The following CCDC3 variants were observed in gnomAD, a reference collection of about 807,000 sequenced individuals.
The protein encoded by CCDC3 is coiled-coil domain-containing protein 3.
Under a neutral mutation model 21.4 loss-of-function variants are expected in CCDC3, and 24 were observed. That is an observed-to-expected ratio of 1.12 (90% CI 0.81 to 1.58). The LOEUF (loss-of-function observed/expected upper bound fraction) is 1.58, where lower values mean the gene tolerates loss of function less well. Ranked by LOEUF, CCDC3 falls within the 40% of genes most tolerant of loss-of-function variation. The pLI, the probability that CCDC3 is intolerant of heterozygous loss-of-function variation, is 0.00. For missense variants in CCDC3, 425 were observed against 360.9 expected, an observed-to-expected ratio of 1.18 and a Z score of -1.44; for synonymous variants, 186 against 166.0, an observed-to-expected ratio of 1.12 and a Z score of -0.93.
In CCDC3 at chr10:12,915,170, CTGAAA is replaced by C. The variant is rs1834331936; in HGVS notation, c.550-16496_550-16492del. ...AATCCTTATAACAGGAAGAATTTTTCTGAAACCAGAATTGATTTCTGGTTTCAAAC... is the reference window on the plus strand; with the variant it reads ...AATCCTTATAACAGGAAGAATTTTTCCCAGAATTGATTTCTGGTTTCAAAC... On this transcript the variant is annotated intron_variant, in intron 2 of 2. Transcript: ENST00000378825. 3.3e-5 allele frequency among the ~76,000 whole-genome samples: 5 copies of C among 152,220 alleles called. No homozygotes were observed. The South Asian group carries it at 1.0e-3, about 32-fold the overall frequency.
upstream of CCDC3, among the ~76,000 whole-genome samples, chr10:13,004,350 C>A (rs373505052): frequency 2.2e-4 from 33 of 152,242 alleles, no homozygotes; most frequent in South Asian, 1.2e-3. Context: ...CCAGTTAATT[C>A]TATGGCCTTG....
chr10:12,965,387 C>T (rs1160985739), intron 2 of CCDC3, among the ~76,000 whole-genome samples: 1 of 152,196 alleles, frequency 6.6e-6, no homozygotes, highest in African/African-American at 2.4e-5. Context: ...CCTCCTCCCT[C>T]CCAAAGGACT....
intron 2 of CCDC3, among the ~76,000 whole-genome samples, chr10:12,969,273 T>C (rs1835305597): frequency 6.6e-6 from 1 of 152,164 alleles, no homozygotes; most frequent in South Asian, 2.1e-4. Context: ...TCACACCTGT[T>C]AGAATGACTA....
At chr10:13,006,425 A>C (rs1835925208), upstream of CCDC3, among the ~76,000 whole-genome samples, 1 of 152,212 alleles carries the variant, frequency 6.6e-6, no homozygotes, top group South Asian at 2.1e-4. Context: ...GTCATTCTTC[A>C]AGACCCATGC....
intron 5 of CCDC3, among the ~76,000 whole-genome samples, chr10:13,038,660 C>T (rs1836410667): frequency 6.6e-6 from 1 of 152,192 alleles, no homozygotes. Flanking sequence ...CTACCCAGCC[C>T]CACTGCTGTC....
intron 3 of CCDC3, among the ~76,000 whole-genome samples, chr10:13,078,967 A>C (rs1836999712): frequency 6.6e-6 from 1 of 152,164 alleles, no homozygotes; most frequent in South Asian, 2.1e-4. Context: ...ATATATAACT[A>C]ATCTGCACAT....
chr10:13,019,051 G>A (rs1178337156), intron 5 of CCDC3, among the ~76,000 whole-genome samples: 1 of 150,224 alleles, frequency 6.7e-6, no homozygotes, highest in Non-Finnish European at 1.5e-5. Context: ...GGCTAACACG[G>A]TGAAACCCCG....
chr10:13,025,511 A>G (rs1321596941), intron 5 of CCDC3, among the ~76,000 whole-genome samples: 2 of 152,342 alleles, frequency 1.3e-5, no homozygotes, highest in South Asian at 2.1e-4. Flanking sequence ...TGAACAAATG[A>G]CTTAGGGCGC....
In CCDC3 at chr10:12,984,744, C is replaced by T. The variant is rs1047760736; in HGVS notation, c.549+13594G>A. Among the ~76,000 whole-genome samples, 8 of 152,124 alleles carry T rather than the reference C, an allele frequency of 5.3e-5. No individual in the cohort carries two copies. In the East Asian group the frequency reaches 1.5e-3, roughly 29 times the overall value. On this transcript the variant is annotated intron_variant, in intron 2 of 2. Coordinates refer to ENST00000378825, the MANE Select transcript of CCDC3 (RefSeq NM_031455.4). ...AAGAACAAAGTACTGATTCATACTA[C>T]AATATGAACGAAGCTTGAAAACATT...
chr10:13,052,938 T>TCACACACACACA (rs56261341), intron 4 of CCDC3, among the ~76,000 whole-genome samples: 4 of 134,334 alleles, frequency 3.0e-5, no homozygotes, highest in Non-Finnish European at 4.7e-5. Flanking sequence ...TGAGACTCTG[T>TCACACACACACA]CACACACACA....
chr10:13,030,426 G>A (rs1464371261), intron 5 of CCDC3, among the ~76,000 whole-genome samples: 1 of 152,156 alleles, frequency 6.6e-6, no homozygotes, highest in East Asian at 1.9e-4. Context: ...GGAAGAAACT[G>A]CATCAACTAA....
intron 2 of CCDC3, among the ~76,000 whole-genome samples, chr10:12,963,364 T>C (rs1159729140): frequency 6.6e-6 from 1 of 152,162 alleles, no homozygotes; most frequent in African/African-American, 2.4e-5. Context: ...TGGTATGGCA[T>C]TGAGACTTAC....
intron 2 of CCDC3, among the ~76,000 whole-genome samples, chr10:12,948,275 G>T (rs1834951014): frequency 6.6e-6 from 1 of 152,154 alleles, no homozygotes; most frequent in South Asian, 2.1e-4. Context: ...ACATGGAACT[G>T]TGAGTCCATT....
intron 4 of CCDC3, among the ~76,000 whole-genome samples, chr10:13,065,108 A>G (rs574317856): frequency 3.3e-5 from 5 of 152,338 alleles, no homozygotes; most frequent in African/African-American, 1.2e-4. Flanking sequence ...GGCAAAATAT[A>G]GCTAAAAATA....
At chr10:13,075,062 T>C (rs1388860368) in intron 3 of CCDC3, among the ~76,000 whole-genome samples, 1 of 152,174 alleles carries the variant, frequency 6.6e-6, no homozygotes, top group Non-Finnish European at 1.5e-5. Context: ...AACTGACGCA[T>C]AGGTGCCCAC....
chr10:12,974,040 G>T (rs925038557), intron 2 of CCDC3, among the ~76,000 whole-genome samples: 1 of 152,200 alleles, frequency 6.6e-6, no homozygotes, highest in Non-Finnish European at 1.5e-5. Context: ...CCAAGAACCA[G>T]GCAGCATTCC....
At chr10:12,983,457 G>A (rs1468897775) in intron 2 of CCDC3, among the ~76,000 whole-genome samples, 1 of 151,456 alleles carries the variant, frequency 6.6e-6, no homozygotes, top group Non-Finnish European at 1.5e-5. Flanking sequence ...TGCAGTCCTA[G>A]TTACTCAGGA....
intron 2 of CCDC3, among the ~76,000 whole-genome samples, chr10:12,934,850 A>G (rs1488656264): frequency 6.6e-6 from 1 of 151,790 alleles, no homozygotes; most frequent in African/African-American, 2.4e-5. Flanking sequence ...CCAGGCTGGT[A>G]TCAAACTCCT....
rs764372915 is a variant in CCDC3, at chr10:12,898,585, C to T, written c.644G>A (p.Arg215Gln). Residue 215 changes from arginine to glutamine, a missense_variant, in exon 3 of 3, where the codon CGG (arginine) becomes CAG (glutamine). By Grantham distance (43) the Arg-to-Gln change is conservative. Coordinates refer to ENST00000378825, the MANE Select transcript of CCDC3 (RefSeq NM_031455.4). ...CTTCTTCACTCGCTCCCGGAGCTGC[C>T]GGTTGCGCTTCTCCAGGGTGGCCAC... ...QKVATLEKRN[R>Q]QLRERVKKVK... 7.4e-6 allele frequency: 12 copies of T among 1,614,120 alleles called. No individual in the cohort carries two copies. The East Asian group carries it at 8.9e-5, about 12-fold the overall frequency.
Sources: gnomAD v4.1 joint callset for allele counts (sites outside exome capture counted in the v4.1 genomes callset) on GRCh38, gnomAD v4.1.1 for gene constraint, MANE v1.5 for transcripts, NCBI Gene and HGNC (gene_info 2026-07-23, HGNC 2026-07-21) for gene names.